The following CYB5B variants were observed in gnomAD, a reference collection of about 807,000 sequenced individuals.
CYB5B encodes cytochrome b5 type B (outer mitochondrial membrane).
Under a neutral mutation model 21.3 loss-of-function variants are expected in CYB5B, and 14 were observed. The observed-to-expected ratio is 0.66, with a 90% CI of 0.43 to 1.03. The LOEUF is 1.03. CYB5B is among the 50% of genes least tolerant of loss of function. The probability of loss-of-function intolerance (pLI) is 0.00; values close to 1 mark genes in which losing one functional copy is unlikely to be tolerated. For missense variants in CYB5B, 166 were observed against 185.1 expected (o/e 0.90, Z 0.60); for synonymous variants, 69 against 68.4 (o/e 1.01, Z -0.04).
Position 69,424,636 on chromosome 16 carries a change from T to G in CYB5B, c.-48T>G, listed in dbSNP as rs765949577. The G allele has an allele frequency of 1.3e-6, 2 of 1,493,670 alleles. No individual in the cohort carries two copies. Among genetic ancestry groups the G allele is most frequent in the African/African-American group, 1.4e-5 (1 of 70,286 alleles). The allele number at this position is 1,493,670 out of a possible 1,614,324, so 92.5% of individuals were successfully genotyped here. ...AAGCCGAGGAAGGCTGAGCGCGGGC[T>G]CTCAAGGAAAGTAGTCGCGGAATCT... On this transcript the variant is annotated 5_prime_UTR_variant, in exon 1 of 5. Coordinates refer to ENST00000307892, the MANE Select transcript of CYB5B (RefSeq NM_030579.3).
chr16:69,434,133 A>G (rs1024632690), intron 1 of CYB5B, among the ~76,000 whole-genome samples: 1 of 152,204 alleles, frequency 6.6e-6, no homozygotes, highest in African/African-American at 2.4e-5. Flanking sequence ...CTAACACTAT[A>G]GTACGTACTC....
chr16:69,459,333 C>T (rs1283949634), intron 4 of CYB5B: 3 of 541,760 alleles, frequency 5.5e-6, no homozygotes, highest in Non-Finnish European at 9.2e-6. Context: ...AGTTTCATGC[C>T]TTGAGTCATT....
At chr16:69,454,392 T>G (rs766581507) in intron 3 of CYB5B, among the ~76,000 whole-genome samples, 7 of 152,248 alleles carry the variant, frequency 4.6e-5, no homozygotes, top group Non-Finnish European at 8.8e-5. Context: ...TGGAGCTTCA[T>G]GAGAAGGCTG....
At chr16:69,442,033 C>G (rs2014828290) in intron 1 of CYB5B, among the ~76,000 whole-genome samples, 1 of 152,094 alleles carries the variant, frequency 6.6e-6, no homozygotes, top group African/African-American at 2.4e-5. Flanking sequence ...CAGGGAGATT[C>G]ATTTTGCTTA....
Position 69,447,077 on chromosome 16 carries a change from G to A in CYB5B, c.175-73G>A, listed in dbSNP as rs1271334477. The A allele has an allele frequency of 5.9e-6, 9 of 1,528,874 alleles. No individual in the cohort carries two copies. The South Asian group carries it at 8.5e-5, about 14-fold the overall frequency. 94.7% of individuals were successfully genotyped at this position (1,528,874 alleles called of 1,614,324 possible). On this transcript the variant is annotated intron_variant, in intron 1 of 4. Coordinates refer to ENST00000307892, the MANE Select transcript of CYB5B (RefSeq NM_030579.3). ...TCTATTAAAGGGAGAAAGGAAGAAG[G>A]GGGTATGGGAAAGTAACTTGTTGGT... is the stretch of plus-strand genomic sequence containing the variant.
At chr16:69,447,832 A>G (rs2014892825) in intron 2 of CYB5B, among the ~76,000 whole-genome samples, 1 of 152,150 alleles carries the variant, frequency 6.6e-6, no homozygotes, top group Admixed American at 6.6e-5. Flanking sequence ...TATTTTTGTA[A>G]TGCAGTTAAT....
At chr16:69,440,477 A>G (rs1345637708) in intron 1 of CYB5B, among the ~76,000 whole-genome samples, 1 of 152,160 alleles carries the variant, frequency 6.6e-6, no homozygotes, top group Non-Finnish European at 1.5e-5. Context: ...CCACTGTATT[A>G]CCATAACAGC....
At chr16:69,444,984 A>G (rs2014863700) in intron 1 of CYB5B, among the ~76,000 whole-genome samples, 1 of 152,238 alleles carries the variant, frequency 6.6e-6, no homozygotes, top group Non-Finnish European at 1.5e-5. Flanking sequence ...AAGTGGTGAG[A>G]GACTGATGAA....
At chr16:69,451,563 G>A (rs1487525503) in intron 3 of CYB5B, among the ~76,000 whole-genome samples, 1 of 151,988 alleles carries the variant, frequency 6.6e-6, no homozygotes, top group Admixed American at 6.5e-5. Flanking sequence ...AATAGGTCTA[G>A]TAATTTGACC....
At chr16:69,441,010 T>C (rs907947573) in intron 1 of CYB5B, among the ~76,000 whole-genome samples, 1 of 152,126 alleles carries the variant, frequency 6.6e-6, no homozygotes, top group East Asian at 1.9e-4. Context: ...TAGATTCATA[T>C]GTAGTTGTAA....
intron 1 of CYB5B, among the ~76,000 whole-genome samples, chr16:69,426,174 C>T (rs2014644109): frequency 6.6e-6 from 1 of 151,936 alleles, no homozygotes; most frequent in Non-Finnish European, 1.5e-5. Flanking sequence ...CCGAGACGGG[C>T]GGATCACGAC....
chr16:69,440,826 AT>A (rs71151107), intron 1 of CYB5B, among the ~76,000 whole-genome samples: 115 of 133,710 alleles, frequency 8.6e-4, no homozygotes, highest in Admixed American at 9.9e-4. Context: ...ATCTCATTTG[AT>A]TTTTTTTTTT....
chr16:69,446,514 C>T (rs777342228), intron 1 of CYB5B, among the ~76,000 whole-genome samples: 14 of 152,104 alleles, frequency 9.2e-5, no homozygotes, highest in Non-Finnish European at 1.5e-4. Context: ...TTAGTACAGA[C>T]GGGTTCACCA....
intron 3 of CYB5B, chr16:69,449,121 G>A (rs1024512531): frequency 6.6e-6 from 1 of 152,012 alleles, no homozygotes; most frequent in African/African-American, 2.4e-5. Flanking sequence ...TTCTGAAAGG[G>A]GAATGAAATG....
intron 4 of CYB5B, among the ~76,000 whole-genome samples, chr16:69,461,171 C>G (rs2015032176): frequency 6.6e-6 from 1 of 151,062 alleles, no homozygotes; most frequent in South Asian, 2.1e-4. Context: ...CGCCACCGCA[C>G]TCCGGCCTGG....
At position 69,447,144 on chromosome 16, in the gene CYB5B, T is replaced by G. The variant is rs1424887550; in HGVS notation, c.175-6T>G. 2.5e-6 allele frequency: 4 copies of G among 1,613,624 alleles called. No individual in the cohort carries two copies. The highest frequency in any genetic ancestry group is 1.1e-5 in the South Asian group (1 of 91,018). On this transcript the variant is annotated splice_polypyrimidine_tract_variant and splice_region_variant and intron_variant, in intron 1 of 4. Coordinates refer to ENST00000307892, the MANE Select transcript of CYB5B (RefSeq NM_030579.3). ...CCTCGGTTCAGTAAATATCTTTTCC[T>G]TGTAGCACCCTGGAGGAGAAGAGGT...
intron 1 of CYB5B, among the ~76,000 whole-genome samples, chr16:69,442,889 G>A (rs1345204729): frequency 1.3e-5 from 2 of 149,944 alleles, no homozygotes; most frequent in African/African-American, 4.9e-5. Context: ...GCAGGTTAAG[G>A]ACTACTCCAA....
chr16:69,437,245 G>A (rs1426244774), intron 1 of CYB5B, among the ~76,000 whole-genome samples: 4 of 151,958 alleles, frequency 2.6e-5, no homozygotes, highest in African/African-American at 2.4e-5. Flanking sequence ...TTGTAATATT[G>A]TGTAACTGCG....
intron 1 of CYB5B, among the ~76,000 whole-genome samples, chr16:69,441,489 G>A (rs57569666): frequency 0.15 from 22,465 of 152,156 alleles, 2,147 homozygotes; most frequent in African/African-American, 0.28. Flanking sequence ...AAGAGAAAGC[G>A]AGATGGTTTA....
Sources: gnomAD v4.1 joint callset for allele counts (sites outside exome capture counted in the v4.1 genomes callset) on GRCh38, gnomAD v4.1.1 for gene constraint, MANE v1.5 for transcripts, NCBI Gene and HGNC (gene_info 2026-07-23, HGNC 2026-07-21) for gene names.